Variants in MMADHC observed in about 807,000 individuals in gnomAD.
MMADHC encodes cobalamin trafficking protein CblD.
A neutral mutation model predicts 36.3 loss-of-function variants in MMADHC; 23 were observed. The observed-to-expected ratio is 0.63, with a 90% CI of 0.46 to 0.90. The LOEUF (loss-of-function observed/expected upper bound fraction) is 0.90, where lower values mean the gene tolerates loss of function less well. Ranked by LOEUF, MMADHC falls within the 40% of genes least tolerant of loss-of-function variation. The probability of loss-of-function intolerance (pLI) is 0.00; values close to 1 mark genes in which losing one functional copy is unlikely to be tolerated. For missense variants in MMADHC, 330 were observed against 348.0 expected (o/e 0.95, Z 0.41); for synonymous variants, 97 against 116.1 (o/e 0.84, Z 1.06).
At chr2:149,577,849 C>T (rs1682739608) in intron 4 of MMADHC, among the ~76,000 whole-genome samples, 1 of 151,960 alleles carries the variant, frequency 6.6e-6, no homozygotes, top group Admixed American at 6.6e-5. Flanking sequence ...GAAACCCCAC[C>T]TCTACTAAAA....
intron 6 of MMADHC, among the ~76,000 whole-genome samples, chr2:149,573,586 G>C (rs911917796): frequency 2.6e-5 from 4 of 151,970 alleles, no homozygotes; most frequent in African/African-American, 9.7e-5. Flanking sequence ...AAAGTTATTT[G>C]ATCTAAGGTA....
At position 149,582,209 on chromosome 2, in the gene MMADHC, C is replaced by A. The variant is rs755350187; in HGVS notation, c.72G>T (p.Arg24Ser). 2 of 1,613,826 alleles carry A rather than the reference C, an allele frequency of 1.2e-6. No individual in the cohort carries two copies. Among genetic ancestry groups the A allele is most frequent in the East Asian group, 4.5e-5 (2 of 44,850 alleles). ...YLPGFCSLVK[R>S]VVNPKAFSTA... is the part of the protein sequence containing the mutation. ...TCGAAAAGGCTTTGGGATTGACAAC[C>A]CTTTTAACTAAAGAGCAAAATCCTG... The change falls in exon 3 of 8, where the codon AGG becomes AGT. Residue 24 changes from arginine (R) to serine (S), a missense_variant. Physicochemically the swap from Arg to Ser is moderately radical, Grantham distance 110 (BLOSUM62 -1). Transcript: ENST00000303319.
intron 3 of MMADHC, among the ~76,000 whole-genome samples, chr2:149,580,596 T>G (rs1457349092): frequency 6.6e-6 from 1 of 152,206 alleles, no homozygotes; most frequent in African/African-American, 2.4e-5. Context: ...CTGCTATGCA[T>G]ATTACTTAGC....
In MMADHC at chr2:149,571,166, G is replaced by A. The variant is rs986210972; in HGVS notation, c.615C>T (p.Ile205=). ...CATAGCAAATTTCCTTAGCACCATT[G>A]ATGAACTGCAATGGAAGTCACAAAT... is the stretch of plus-strand genomic sequence containing the variant. ...IEREVLLEKF[I]NGAKEICYAL... Residue 205 remains isoleucine (I), a synonymous_variant, in exon 7 of 8, where the codon ATC becomes ATT. Coordinates refer to ENST00000303319, the MANE Select transcript of MMADHC (RefSeq NM_015702.3). 4 of 1,603,434 alleles carry A rather than the reference G, an allele frequency of 2.5e-6. No individual in the cohort carries two copies. In the African/African-American group the frequency reaches 5.4e-5, roughly 21 times the overall value.
chr2:149,578,540 A>G (rs1345078273), intron 4 of MMADHC, among the ~76,000 whole-genome samples: 1 of 152,200 alleles, frequency 6.6e-6, no homozygotes, highest in African/African-American at 2.4e-5. Flanking sequence ...AATTATAAAA[A>G]CATAGACTGT....
intron 2 of MMADHC, among the ~76,000 whole-genome samples, chr2:149,582,971 G>A (rs1682815746): frequency 6.6e-6 from 1 of 152,132 alleles, no homozygotes; most frequent in South Asian, 2.1e-4. Context: ...ACAGCCCACT[G>A]TTTTGGTAAA....
chr2:149,573,541 T>C (rs1353608438), intron 6 of MMADHC, among the ~76,000 whole-genome samples: 1 of 152,228 alleles, frequency 6.6e-6, no homozygotes, highest in Non-Finnish European at 1.5e-5. Flanking sequence ...ATCTTTAAAT[T>C]TGTTATAATT....
rs754931755 is a variant in MMADHC, at chr2:149,579,415, G to A, written c.372+16C>T. ...TAATAATCAGGAAAGCACAATAAAT[G>A]TTACCAACAATTTACCTGAAATTCA... is the stretch of plus-strand genomic sequence containing the variant. On this transcript the variant is annotated intron_variant, in intron 4 of 7. Transcript: ENST00000303319. 1 of 1,594,428 alleles carries A rather than the reference G, an allele frequency of 6.3e-7. No individual in the cohort carries two copies. Among genetic ancestry groups the A allele is most frequent in the Non-Finnish European group, 8.6e-7 (1 of 1,164,060 alleles).
intron 2 of MMADHC, among the ~76,000 whole-genome samples, chr2:149,582,534 CAT>C (rs1474847332): frequency 1.5e-4 from 23 of 152,164 alleles, no homozygotes; most frequent in South Asian, 4.1e-4. Flanking sequence ...GAGTGCCACA[CAT>C]GAGAGAATAG....
intron 4 of MMADHC, among the ~76,000 whole-genome samples, chr2:149,576,993 T>A (rs1682727868): frequency 6.6e-6 from 1 of 152,174 alleles, no homozygotes; most frequent in African/African-American, 2.4e-5. Flanking sequence ...TTTATTCAAC[T>A]GAAATTTACT....
chr2:149,572,557 G>GC (rs1288553342), intron 6 of MMADHC, among the ~76,000 whole-genome samples: 1 of 152,068 alleles, frequency 6.6e-6, no homozygotes, highest in Non-Finnish European at 1.5e-5. Context: ...GTGGACATTT[G>GC]CCTGTCACAG....
chr2:149,580,478 A>C (rs995060687), intron 3 of MMADHC, among the ~76,000 whole-genome samples: 1 of 152,224 alleles, frequency 6.6e-6, no homozygotes, highest in Non-Finnish European at 1.5e-5. Flanking sequence ...CTTTAAAAAA[A>C]ATCCTAACTT....
intron 6 of MMADHC, among the ~76,000 whole-genome samples, chr2:149,575,301 G>T (rs1682697429): frequency 1.3e-5 from 2 of 151,424 alleles, no homozygotes; most frequent in African/African-American, 4.9e-5. Flanking sequence ...CTCTTGGAGA[G>T]AACTGGCATA....
intron 2 of MMADHC, among the ~76,000 whole-genome samples, chr2:149,583,846 A>G (rs1682826650): frequency 6.6e-6 from 1 of 152,140 alleles, no homozygotes. Context: ...ACATAAAAAT[A>G]TCTCCCCAAC....
intron 1 of MMADHC, 129 bp from the exon 2 acceptor site, chr2:149,587,278 C>T: frequency 1.5e-6 from 1 of 660,646 alleles, no homozygotes; most frequent in Non-Finnish European, 2.7e-6. Flanking sequence ...TCTCCCCGTA[C>T]CCTAAGGAGG....
intron 4 of MMADHC, among the ~76,000 whole-genome samples, chr2:149,578,084 C>A (rs925188552): frequency 2.0e-5 from 3 of 152,066 alleles, no homozygotes; most frequent in African/African-American, 7.2e-5. Context: ...TAAGTAATTT[C>A]CTCGAGGTCA....
intron 3 of MMADHC, among the ~76,000 whole-genome samples, chr2:149,581,319 T>C (rs1008127462): frequency 6.6e-6 from 1 of 152,174 alleles, no homozygotes; most frequent in African/African-American, 2.4e-5. Context: ...GGTTAGTCTT[T>C]AGGTGATGTA....
At chr2:149,584,760 A>C (rs1415971404) in intron 2 of MMADHC, among the ~76,000 whole-genome samples, 1 of 152,172 alleles carries the variant, frequency 6.6e-6, no homozygotes, top group Non-Finnish European at 1.5e-5. Context: ...TGAGATTCTC[A>C]AATCTTGGCT....
intron 6 of MMADHC, among the ~76,000 whole-genome samples, chr2:149,574,079 T>C (rs1425491170): frequency 3.3e-5 from 5 of 152,044 alleles, no homozygotes; most frequent in East Asian, 3.9e-4. Flanking sequence ...CATTACAAAA[T>C]TAAAACTCTC....
Sources: gnomAD v4.1 joint callset for allele counts (sites outside exome capture counted in the v4.1 genomes callset) on GRCh38, gnomAD v4.1.1 for gene constraint, MANE v1.5 for transcripts, NCBI Gene and HGNC (gene_info 2026-07-23, HGNC 2026-07-21) for gene names.